ADAM9: variants seen among roughly 807,000 people sequenced by gnomAD.
The protein encoded by ADAM9 is ADAM metallopeptidase domain 9.
In ADAM9, 54 loss-of-function variants were observed where a neutral mutation model predicts 108.1. That is an observed-to-expected ratio of 0.50 (90% CI 0.40 to 0.63). The LOEUF (loss-of-function observed/expected upper bound fraction) is 0.63, where lower values mean the gene tolerates loss of function less well. Among genes scored for constraint, ADAM9 ranks in the 20% least tolerant of loss-of-function variants. ADAM9 has a pLI of 0.00. For synonymous variants in ADAM9, 316 were observed against 336.0 expected (o/e 0.94, Z 0.65); for missense variants, 830 against 997.7 (o/e 0.83, Z 2.26).
intron 1 of ADAM9, among the ~76,000 whole-genome samples, chr8:39,004,824 TA>T (rs771445021): frequency 2.0e-5 from 3 of 152,222 alleles, no homozygotes; most frequent in Non-Finnish European, 4.4e-5. Flanking sequence ...CATGCTAATG[TA>T]TTATAATTAG....
chr8:39,007,838 G>C, intron 1 of ADAM9, 48 bp from the exon 2 acceptor site: 1 of 1,270,008 alleles, frequency 7.9e-7, no homozygotes. Flanking sequence ...GTGTTCCCAC[G>C]TAGTTTTTCA....
chr8:39,090,861 C>T (rs1839331420), intron 19 of ADAM9, among the ~76,000 whole-genome samples: 1 of 152,192 alleles, frequency 6.6e-6, no homozygotes, highest in South Asian at 2.1e-4. Flanking sequence ...ATGTCTAAAA[C>T]TTACCTATTA....
intron 11 of ADAM9, among the ~76,000 whole-genome samples, chr8:39,039,027 A>AG (rs1416900313): frequency 6.6e-6 from 1 of 152,170 alleles, no homozygotes; most frequent in Non-Finnish European, 1.5e-5. Context: ...CCAATCCAAG[A>AG]GGCAGGAGTC....
At chr8:39,044,059 G>A (rs1220123647) in intron 12 of ADAM9, among the ~76,000 whole-genome samples, 3 of 152,098 alleles carry the variant, frequency 2.0e-5, no homozygotes, top group Non-Finnish European at 4.4e-5. Context: ...TCTGTTGATT[G>A]CTTCCTATGC....
At chr8:39,052,555 C>T (rs1211697473) in intron 12 of ADAM9, among the ~76,000 whole-genome samples, 1 of 151,864 alleles carries the variant, frequency 6.6e-6, no homozygotes, top group Non-Finnish European at 1.5e-5. Context: ...CATCATAGCC[C>T]CTCTACAAAT....
intron 20 of ADAM9, 89 bp downstream of exon 20, chr8:39,091,435 A>G: frequency 8.7e-7 from 1 of 1,151,016 alleles, no homozygotes; most frequent in Non-Finnish European, 1.3e-6. Flanking sequence ...AGCTATAGCT[A>G]GAAACATAGA....
At chr8:39,030,090 T>C (rs1293590657) in intron 11 of ADAM9, among the ~76,000 whole-genome samples, 1 of 152,228 alleles carries the variant, frequency 6.6e-6, no homozygotes, top group East Asian at 1.9e-4. Flanking sequence ...CTGACAAACC[T>C]ATATTGACAC....
intron 1 of ADAM9, among the ~76,000 whole-genome samples, chr8:38,999,292 T>C (rs1835924687): frequency 6.6e-6 from 1 of 151,708 alleles, no homozygotes; most frequent in African/African-American, 2.4e-5. Flanking sequence ...AATGAGGAAA[T>C]GCAGTATAAT....
intron 12 of ADAM9, among the ~76,000 whole-genome samples, chr8:39,046,969 A>G (rs1414926087): frequency 6.6e-6 from 1 of 152,118 alleles, no homozygotes; most frequent in African/African-American, 2.4e-5. Flanking sequence ...GGGTTTTGCT[A>G]CATTGCCTAG....
chr8:38,997,655 C>T (rs1183404255), intron 1 of ADAM9, among the ~76,000 whole-genome samples: 1 of 152,198 alleles, frequency 6.6e-6, no homozygotes, highest in Non-Finnish European at 1.5e-5. Context: ...GAAATTTTGA[C>T]GTTCATGGTA....
In ADAM9 at chr8:39,038,895, T is replaced by C. The variant is rs1235393408; in HGVS notation, c.1131-3051T>C. On this transcript the variant is annotated intron_variant, in intron 11 of 21. Transcript: ENST00000487273. ...TCAAACCATTGATAGTTTATGTTCT[T>C]TCTTTTTTCTTTCTCTGCCAGTCTT... 2.0e-5 allele frequency among the ~76,000 whole-genome samples: 3 copies of C among 152,232 alleles called. No homozygotes were observed. The South Asian group carries it at 6.2e-4, about 31-fold the overall frequency.
intron 11 of ADAM9, among the ~76,000 whole-genome samples, chr8:39,036,305 C>T (rs1425453235): frequency 2.0e-5 from 3 of 152,102 alleles, no homozygotes; most frequent in African/African-American, 7.2e-5. Context: ...CATCAGCAAG[C>T]TTCCATAATC....
chr8:39,043,211 C>T (rs533682190), intron 12 of ADAM9, among the ~76,000 whole-genome samples: 1 of 152,126 alleles, frequency 6.6e-6, no homozygotes, highest in Non-Finnish European at 1.5e-5. Context: ...TACATCTTGG[C>T]TACTGTGAAT....
chr8:39,003,648 C>T (rs949611163), intron 1 of ADAM9, among the ~76,000 whole-genome samples: 1 of 151,982 alleles, frequency 6.6e-6, no homozygotes, highest in Non-Finnish European at 1.5e-5. Flanking sequence ...TGATGACATT[C>T]CCCCAGTATG....
At position 39,091,337 on chromosome 8, in the gene ADAM9, C is replaced by T. The variant is rs1336595998; in HGVS notation, c.2289C>T (p.Pro763=). ...VPRHVSPVTP[P]REVPIYANRF... ...GACATGTTTCTCCAGTGACACCTCC[C>T]AGAGAAGTTGTAAGTATAAAATGAA... Residue 763 remains proline (P), a synonymous_variant, in exon 20 of 22, where the codon CCC becomes CCT. Transcript: ENST00000487273. 3 of 1,613,512 alleles carry T rather than the reference C, an allele frequency of 1.9e-6. No homozygotes were observed. The highest frequency in any genetic ancestry group is 2.2e-5 in the South Asian group (2 of 91,064).
At chr8:39,095,498 T>C (rs1839475760) in intron 20 of ADAM9, among the ~76,000 whole-genome samples, 1 of 152,208 alleles carries the variant, frequency 6.6e-6, no homozygotes, top group East Asian at 1.9e-4. Context: ...TTGGAAAACA[T>C]ACTTGATGTC....
At chr8:39,033,494 GT>G (rs1014388917) in intron 11 of ADAM9, among the ~76,000 whole-genome samples, 18 of 148,790 alleles carry the variant, frequency 1.2e-4, no homozygotes, top group South Asian at 4.3e-4. Context: ...TTGACAGTGT[GT>G]TTTTTTTTAT....
intron 15 of ADAM9, among the ~76,000 whole-genome samples, chr8:39,075,370 A>G (rs1282850879): frequency 6.6e-6 from 1 of 152,162 alleles, no homozygotes; most frequent in Non-Finnish European, 1.5e-5. Flanking sequence ...TATGCTTTTT[A>G]AAATTGCAGC....
intron 18 of ADAM9, among the ~76,000 whole-genome samples, chr8:39,085,129 TTC>T (rs1839146014): frequency 6.6e-6 from 1 of 152,156 alleles, no homozygotes; most frequent in South Asian, 2.1e-4. Context: ...TAATCTGCCA[TTC>T]TCTGTCTTTC....
Sources: allele counts gnomAD v4.1 joint callset (sites outside exome capture counted in the v4.1 genomes callset), GRCh38; gene constraint gnomAD v4.1.1; transcripts MANE v1.5; gene names NCBI Gene and HGNC (gene_info 2026-07-23, HGNC 2026-07-21).